The following SLC4A10 variants were observed in gnomAD, a reference collection of about 807,000 sequenced individuals.
SLC4A10 encodes the protein solute carrier family 4 member 10, also known as sodium-driven chloride bicarbonate exchanger.
SLC4A10 carries 42 observed loss-of-function variants against 137.7 expected under a neutral mutation model. The ratio of observed to expected loss-of-function variants is 0.30; its 90% confidence interval spans 0.24 to 0.39. The LOEUF (loss-of-function observed/expected upper bound fraction) is 0.39. Ranked by LOEUF, SLC4A10 falls within the 10% of genes least tolerant of loss-of-function variation. The probability of loss-of-function intolerance (pLI) is 1.00; values close to 1 mark genes in which losing one functional copy is unlikely to be tolerated. For missense variants in SLC4A10, 925 were observed against 1,355.0 expected (o/e 0.68, Z 4.98); for synonymous variants, 474 against 464.1 (o/e 1.02, Z -0.27).
rs574501032 is a variant in SLC4A10, at chr2:161,767,856, G to A, written c.49-3117G>A. ...CCAAAACAAGGCCACCTAGTAGAAG[G>A]TTCCTCACCTACAATTTTCTTTGTT... On this transcript the variant is annotated intron_variant, in intron 1 of 26. Coordinates refer to ENST00000446997, the MANE Select transcript of SLC4A10 (RefSeq NM_001178015.2). Among the ~76,000 whole-genome samples the A allele has an allele frequency of 5.9e-5, 9 of 152,070 alleles. No homozygotes were observed. In the East Asian group the frequency reaches 1.2e-3, roughly 20 times the overall value.
intron 1 of SLC4A10, among the ~76,000 whole-genome samples, chr2:161,634,488 T>A (rs1197845251): frequency 1.3e-5 from 2 of 151,894 alleles, no homozygotes; most frequent in Non-Finnish European, 2.9e-5. Context: ...GCACATTAAT[T>A]TTAGCACTCA....
At chr2:161,954,187 T>C (rs1318434383) in intron 19 of SLC4A10, among the ~76,000 whole-genome samples, 1 of 152,218 alleles carries the variant, frequency 6.6e-6, no homozygotes, top group African/African-American at 2.4e-5. Flanking sequence ...ATGTTCTTTT[T>C]TGCCCTCTTT....
intron 2 of SLC4A10, among the ~76,000 whole-genome samples, chr2:161,792,540 T>C (rs2054315957): frequency 1.3e-5 from 2 of 152,138 alleles, no homozygotes; most frequent in Non-Finnish European, 1.5e-5. Flanking sequence ...TTAGTCTACT[T>C]TTTGACTAAA....
intron 20 of SLC4A10, 102 bp downstream of exon 20, chr2:161,957,342 C>G: frequency 7.6e-7 from 1 of 1,311,738 alleles, no homozygotes; most frequent in East Asian, 2.5e-5. Flanking sequence ...TATTGTGTGG[C>G]ATGTGATGAA....
rs566157533 is a variant in SLC4A10 at position 161,796,234 on chromosome 2, T to G, written c.131-8215T>G. 1.3e-5 allele frequency among the ~76,000 whole-genome samples: 2 copies of G among 152,260 alleles called. 1 individual carries two copies. The highest frequency in any genetic ancestry group is 4.1e-4 in the South Asian group (2 of 4,826). ...TGTCACAATCCATTTCCAAACGCAG[T>G]GGCTTCAAACAGCAACATTTTATTT... On this transcript the variant is annotated intron_variant, in intron 2 of 26. Transcript: ENST00000446997.
At chr2:161,688,217 A>G (rs1410342800) in intron 1 of SLC4A10, among the ~76,000 whole-genome samples, 5 of 152,312 alleles carry the variant, frequency 3.3e-5, no homozygotes, top group Non-Finnish European at 7.4e-5. Flanking sequence ...ATTCTCTATT[A>G]TGTCTAGAAA....
chr2:161,874,446 C>T (rs937087094), intron 8 of SLC4A10, among the ~76,000 whole-genome samples: 1 of 152,200 alleles, frequency 6.6e-6, no homozygotes, highest in African/African-American at 2.4e-5. Context: ...TTGCAGCCTT[C>T]AAGAATACTT....
chr2:161,868,556 A>G (rs2060909594), intron 6 of SLC4A10, among the ~76,000 whole-genome samples: 2 of 151,590 alleles, frequency 1.3e-5, no homozygotes, highest in Admixed American at 1.3e-4. Context: ...GACTCAAAGA[A>G]AAAAAAATGA....
intron 1 of SLC4A10, among the ~76,000 whole-genome samples, chr2:161,727,465 A>G (rs988115936): frequency 6.6e-6 from 1 of 152,252 alleles, no homozygotes; most frequent in Non-Finnish European, 1.5e-5. Flanking sequence ...CATAAAAGAT[A>G]GAAGCCAATA....
At chr2:161,655,120 T>A (rs2037330122) in intron 1 of SLC4A10, among the ~76,000 whole-genome samples, 1 of 152,180 alleles carries the variant, frequency 6.6e-6, no homozygotes, top group African/African-American at 2.4e-5. Context: ...CTAAGTATTT[T>A]ATTTTTTTCA....
At chr2:161,832,701 A>G (rs954824516) in intron 3 of SLC4A10, among the ~76,000 whole-genome samples, 1 of 151,876 alleles carries the variant, frequency 6.6e-6, no homozygotes, top group Non-Finnish European at 1.5e-5. Flanking sequence ...GGAGAGAGGA[A>G]CAAGTTTGCA....
chr2:161,626,498 A>C (rs2032393886), intron 1 of SLC4A10, among the ~76,000 whole-genome samples: 1 of 152,156 alleles, frequency 6.6e-6, no homozygotes, highest in African/African-American at 2.4e-5. Context: ...TGACAGTTTA[A>C]TGGTAAGAGG....
intron 23 of SLC4A10, among the ~76,000 whole-genome samples, chr2:161,970,061 GCC>G (rs1559655098): frequency 2.6e-5 from 4 of 152,256 alleles, no homozygotes; most frequent in African/African-American, 9.6e-5. Flanking sequence ...TGGGGATGGG[GCC>G]AACCATCTCT....
At chr2:161,847,478 C>T (rs1162796266) in intron 4 of SLC4A10, among the ~76,000 whole-genome samples, 1 of 152,030 alleles carries the variant, frequency 6.6e-6, no homozygotes. Flanking sequence ...TCCCATTCCT[C>T]CACCTTACCT....
chr2:161,867,921 T>G (rs2060863172), intron 6 of SLC4A10, among the ~76,000 whole-genome samples: 1 of 151,912 alleles, frequency 6.6e-6, no homozygotes, highest in South Asian at 2.1e-4. Flanking sequence ...CTTTGGGTAC[T>G]CTAAATGCGT....
chr2:161,925,061 T>C (rs1023369473), intron 15 of SLC4A10, among the ~76,000 whole-genome samples: 2 of 152,144 alleles, frequency 1.3e-5, no homozygotes, highest in African/African-American at 2.4e-5. Context: ...AAATGTAGAT[T>C]ACTTCATTTG....
At chr2:161,801,866 A>C (rs934789249) in intron 2 of SLC4A10, among the ~76,000 whole-genome samples, 1 of 152,140 alleles carries the variant, frequency 6.6e-6, no homozygotes. Context: ...TAAAGGTTGC[A>C]TAAATATAAG....
At chr2:161,938,133 C>T (rs568529645) in intron 15 of SLC4A10, among the ~76,000 whole-genome samples, 11 of 152,090 alleles carry the variant, frequency 7.2e-5, no homozygotes, top group East Asian at 1.9e-4. Context: ...TAGCCAGGCA[C>T]GATGGCGATC....
At chr2:161,969,789 C>A (rs1429229275) in intron 23 of SLC4A10, among the ~76,000 whole-genome samples, 1 of 152,150 alleles carries the variant, frequency 6.6e-6, no homozygotes, top group Non-Finnish European at 1.5e-5. Flanking sequence ...AATCTAAAAA[C>A]AAGTGCAACT....
Sources: gnomAD v4.1 joint callset for allele counts (sites outside exome capture counted in the v4.1 genomes callset) on GRCh38, gnomAD v4.1.1 for gene constraint, MANE v1.5 for transcripts, NCBI Gene and HGNC (gene_info 2026-07-23, HGNC 2026-07-21) for gene names.